NEGR1: variants seen among roughly 807,000 people sequenced by gnomAD.
NEGR1 encodes neuronal growth regulator 1.
Under a neutral mutation model 40.9 loss-of-function variants are expected in NEGR1, and 10 were observed. The observed-to-expected ratio is 0.24, with a 90% confidence interval of 0.15 to 0.42. The LOEUF is 0.42. Among genes scored for constraint, NEGR1 ranks in the 10% least tolerant of loss-of-function variants. NEGR1 has a pLI of 1.00. For synonymous variants in NEGR1, 185 were observed against 166.8 expected (o/e 1.11, Z -0.84); for missense variants, 352 against 438.9 (o/e 0.80, Z 1.77).
intron 1 of NEGR1, among the ~76,000 whole-genome samples, chr1:72,009,566 CT>C (rs1646639016): frequency 6.6e-6 from 1 of 151,946 alleles, no homozygotes; most frequent in Admixed American, 6.6e-5. Flanking sequence ...TTCAAAGACC[CT>C]ACCTACTATC....
intron 3 of NEGR1, 54 bp from the exon 4 acceptor site, chr1:71,698,193 G>A: frequency 6.6e-7 from 1 of 1,525,130 alleles, no homozygotes; most frequent in Non-Finnish European, 8.9e-7. Flanking sequence ...CTTCATTCAA[G>A]TAAAACAACA....
At chr1:71,510,542 G>A (rs113258039) in intron 6 of NEGR1, among the ~76,000 whole-genome samples, 6,130 of 152,238 alleles carry the variant, frequency 0.04, 411 homozygotes, top group African/African-American at 0.14. Flanking sequence ...GAATGTAGAG[G>A]AGGGGTCAGC....
At chr1:71,540,210 G>A (rs1403037699) in intron 6 of NEGR1, among the ~76,000 whole-genome samples, 2 of 151,726 alleles carry the variant, frequency 1.3e-5, no homozygotes, top group South Asian at 2.1e-4. Context: ...AAGAATAAAT[G>A]TCTTAGTTTT....
chr1:71,667,496 G>A (rs1394386849), intron 4 of NEGR1, among the ~76,000 whole-genome samples: 5 of 152,152 alleles, frequency 3.3e-5, no homozygotes, highest in African/African-American at 1.2e-4. Context: ...GGAGATCTGG[G>A]TTCTAGCTCC....
chr1:72,184,000 C>T (rs905654021), intron 1 of NEGR1, among the ~76,000 whole-genome samples: 2 of 152,030 alleles, frequency 1.3e-5, no homozygotes, highest in African/African-American at 4.8e-5. Flanking sequence ...GCAAATCCAA[C>T]AAGTTTAACT....
intron 2 of NEGR1, among the ~76,000 whole-genome samples, chr1:71,806,954 G>A (rs540665412): frequency 4.7e-5 from 7 of 147,746 alleles, no homozygotes; most frequent in South Asian, 2.1e-4. Flanking sequence ...GTGCAGTGGC[G>A]TGATCTCCGC....
chr1:71,756,882 A>G (rs2101694468), intron 3 of NEGR1, among the ~76,000 whole-genome samples: 1 of 152,222 alleles, frequency 6.6e-6, no homozygotes. Context: ...AAAGGTGAAA[A>G]AAACCCTCAA....
chr1:72,180,532 T>A (rs149326282), intron 1 of NEGR1, among the ~76,000 whole-genome samples: 26 of 152,094 alleles, frequency 1.7e-4, no homozygotes, highest in African/African-American at 6.3e-4. Flanking sequence ...AACAGAGGTA[T>A]GGATTGGGAA....
At chr1:71,438,153 G>GT (rs1232976041) in intron 6 of NEGR1, among the ~76,000 whole-genome samples, 1 of 152,174 alleles carries the variant, frequency 6.6e-6, no homozygotes, top group Non-Finnish European at 1.5e-5. Context: ...CTTTGAGGAT[G>GT]TTTATGTATT....
intron 6 of NEGR1, among the ~76,000 whole-genome samples, chr1:71,450,626 G>A (rs1646620288): frequency 1.3e-5 from 2 of 151,894 alleles, no homozygotes; most frequent in African/African-American, 2.4e-5. Context: ...GGCCAACAGG[G>A]TGAAATCCTG....
chr1:72,155,024 T>C (rs1039901798), intron 1 of NEGR1, among the ~76,000 whole-genome samples: 1 of 151,972 alleles, frequency 6.6e-6, no homozygotes, highest in Non-Finnish European at 1.5e-5. Context: ...TGGTAGAAAA[T>C]AGCAATCCTT....
At chr1:71,798,989 T>G (rs999965473) in intron 2 of NEGR1, among the ~76,000 whole-genome samples, 1 of 152,176 alleles carries the variant, frequency 6.6e-6, no homozygotes, top group South Asian at 2.1e-4. Context: ...TCTGCCTTTT[T>G]AGACTGTGAG....
At chr1:71,759,352 C>G (rs1174129153) in intron 3 of NEGR1, among the ~76,000 whole-genome samples, 1 of 120,582 alleles carries the variant, frequency 8.3e-6, no homozygotes, top group Middle Eastern at 8.2e-3. Flanking sequence ...GGCTGGAGTG[C>G]AGTGGCACGA....
intron 2 of NEGR1, among the ~76,000 whole-genome samples, chr1:71,902,440 A>G (rs902680039): frequency 4.6e-5 from 7 of 152,228 alleles, no homozygotes; most frequent in African/African-American, 1.7e-4. Context: ...ATTTTCACTT[A>G]CAATATATTT....
At chr1:72,063,876 AG>A (rs1647215003) in intron 1 of NEGR1, among the ~76,000 whole-genome samples, 1 of 125,254 alleles carries the variant, frequency 8.0e-6, no homozygotes, top group Non-Finnish European at 1.8e-5. Context: ...TAATACTCAG[AG>A]AACCCCCCTG....
chr1:71,698,773 T>C (rs1021929543), intron 3 of NEGR1, among the ~76,000 whole-genome samples: 4 of 151,880 alleles, frequency 2.6e-5, no homozygotes, highest in Non-Finnish European at 4.4e-5. Flanking sequence ...AACTAAATTA[T>C]CTTTATTTTT....
intron 3 of NEGR1, among the ~76,000 whole-genome samples, chr1:71,747,527 C>T (rs1280615660): frequency 2.0e-5 from 3 of 151,574 alleles, no homozygotes; most frequent in African/African-American, 2.4e-5. Context: ...TGGGTTTGAG[C>T]GATTCTCCTG....
chr1:72,010,717 A>G lies in NEGR1; in HGVS notation c.177-75406T>C, dbSNP rs537208997. ...ACTCAAGGGAAACTTGACTTTGGCT[A>G]CAAATCTGAGGGGGCACATTGTATA... On this transcript the variant is annotated intron_variant, in intron 1 of 6. Coordinates refer to ENST00000357731, the MANE Select transcript of NEGR1 (RefSeq NM_173808.3). Among the ~76,000 whole-genome samples, 247 of 151,940 alleles carry G rather than the reference A, an allele frequency of 1.6e-3. 3 individuals are homozygous for G. The highest frequency in any genetic ancestry group is 5.9e-3 in the African/African-American group (245 of 41,444).
intron 6 of NEGR1, among the ~76,000 whole-genome samples, chr1:71,526,556 G>A (rs1647219068): frequency 6.6e-6 from 1 of 151,452 alleles, no homozygotes; most frequent in African/African-American, 2.4e-5. Context: ...AGAGGTGGGA[G>A]TCATCCTTGT....
Sources: gnomAD v4.1 joint callset for allele counts (sites outside exome capture counted in the v4.1 genomes callset) on GRCh38, gnomAD v4.1.1 for gene constraint, MANE v1.5 for transcripts, NCBI Gene and HGNC (gene_info 2026-07-23, HGNC 2026-07-21) for gene names.